Variants in FOXP2 observed in about 807,000 individuals in gnomAD.
FOXP2 encodes forkhead box P2, also known as forkhead box protein P2.
FOXP2 carries 12 observed loss-of-function variants against 115.8 expected under a neutral mutation model. The ratio of observed to expected loss-of-function variants is 0.10; its 90% CI spans 0.07 to 0.17. The LOEUF (loss-of-function observed/expected upper bound fraction) is 0.17. FOXP2 is among the 10% of genes least tolerant of loss of function. FOXP2 has a pLI of 1.00. For synonymous variants in FOXP2, 328 were observed against 297.7 expected, an observed-to-expected ratio of 1.10 and a Z score of -1.05; for missense variants, 629 against 843.5, an observed-to-expected ratio of 0.75 and a Z score of 3.15.
At chr7:114,254,862 A>G (rs534362448) in intron 1 of FOXP2, among the ~76,000 whole-genome samples, 1 of 152,048 alleles carries the variant, frequency 6.6e-6, no homozygotes, top group South Asian at 2.1e-4. Context: ...GGAGGGGGAG[A>G]CGCGCTCTCA....
At chr7:114,337,717 A>G (rs1291276443) in intron 2 of FOXP2, among the ~76,000 whole-genome samples, 3 of 151,198 alleles carry the variant, frequency 2.0e-5, no homozygotes, top group Non-Finnish European at 3.0e-5. Flanking sequence ...AAGCAAGCCG[A>G]TTTTGTATTA....
At chr7:114,172,169 AT>A (rs1793162263) in intron 1 of FOXP2, among the ~76,000 whole-genome samples, 1 of 152,226 alleles carries the variant, frequency 6.6e-6, no homozygotes, top group Non-Finnish European at 1.5e-5. Flanking sequence ...CTACTACAGT[AT>A]AATGTACCTA....
chr7:114,272,060 A>C (rs1284747272), intron 1 of FOXP2, among the ~76,000 whole-genome samples: 2 of 142,536 alleles, frequency 1.4e-5, no homozygotes, highest in African/African-American at 2.6e-5. Context: ...TAAATATATA[A>C]AATATATAAA....
At chr7:114,094,129 C>T (rs1290721425) in intron 1 of FOXP2, among the ~76,000 whole-genome samples, 2 of 152,118 alleles carry the variant, frequency 1.3e-5, no homozygotes, top group African/African-American at 2.4e-5. Context: ...CATTGGAAAA[C>T]ATACTGTAAG....
intron 16 of FOXP2, among the ~76,000 whole-genome samples, chr7:114,686,034 ATAAAC>A (rs1467032702): frequency 2.0e-5 from 3 of 151,988 alleles, no homozygotes; most frequent in Admixed American, 2.0e-4. Flanking sequence ...TAGTGACAAA[ATAAAC>A]TAATTAGAAT....
At chr7:114,390,522 G>GTATTTATTTATT (rs6150298) in intron 2 of FOXP2, among the ~76,000 whole-genome samples, 4,884 of 148,312 alleles carry the variant, frequency 0.033, 255 homozygotes, top group African/African-American at 0.11. Flanking sequence ...TTTTATTTAT[G>GTATTTATTTATT]TATTTATTTA....
chr7:114,297,043 C>T, intron 2 of FOXP2: 2 of 344,930 alleles, frequency 5.8e-6, no homozygotes, highest in Non-Finnish European at 1.1e-5. Flanking sequence ...TTAGTTATAT[C>T]CACTATATGC....
intron 1 of FOXP2, among the ~76,000 whole-genome samples, chr7:114,421,013 G>A (rs1316721882): frequency 6.6e-6 from 1 of 151,460 alleles, no homozygotes; most frequent in African/African-American, 2.4e-5. Context: ...TGAGTAATTA[G>A]TTAACCAGAA....
intron 1 of FOXP2, among the ~76,000 whole-genome samples, chr7:114,241,553 GGTAGTATTTTTACTA>G (rs1457538981): frequency 6.6e-6 from 1 of 151,870 alleles, no homozygotes; most frequent in African/African-American, 2.4e-5. Flanking sequence ...CCTTCATATG[GGTAGTATTTTTACTA>G]GTATAGATGG....
chr7:114,143,831 T>G (rs78238982), intron 1 of FOXP2, among the ~76,000 whole-genome samples: 1 of 152,052 alleles, frequency 6.6e-6, no homozygotes, highest in Non-Finnish European at 1.5e-5. Flanking sequence ...TTTTTTTTTT[T>G]GCTTTGAAAA....
intron 4 of FOXP2, 171 bp downstream of exon 4, chr7:114,628,848 G>C (rs1234917262): frequency 1.3e-6 from 1 of 769,616 alleles, no homozygotes; most frequent in African/African-American, 1.8e-5. Context: ...AGAAAATCTA[G>C]ATTGCTTATT....
chr7:114,481,173 T>C (rs1796519250), intron 2 of FOXP2, among the ~76,000 whole-genome samples: 2 of 151,306 alleles, frequency 1.3e-5, no homozygotes, highest in Non-Finnish European at 3.0e-5. Context: ...ATTATGTGTA[T>C]ATAAAATTGC....
chr7:114,286,986 A>G (rs1320349449), intron 1 of FOXP2, among the ~76,000 whole-genome samples: 1 of 152,086 alleles, frequency 6.6e-6, no homozygotes, highest in African/African-American at 2.4e-5. Flanking sequence ...AAAGATGGCA[A>G]GTGATGCCAG....
intron 1 of FOXP2, among the ~76,000 whole-genome samples, chr7:114,245,476 C>G (rs1254029728): frequency 6.6e-6 from 1 of 152,320 alleles, no homozygotes; most frequent in East Asian, 1.9e-4. Flanking sequence ...AACATACTCA[C>G]TTTTGAAGTT....
chr7:114,265,122 A>G (rs1194721758), intron 1 of FOXP2, among the ~76,000 whole-genome samples: 1 of 152,178 alleles, frequency 6.6e-6, no homozygotes, highest in Non-Finnish European at 1.5e-5. Flanking sequence ...ACAGTTCCCC[A>G]AAGTCTTAAC....
chr7:114,453,794 C>A (rs1795169379), intron 2 of FOXP2, among the ~76,000 whole-genome samples: 3 of 152,020 alleles, frequency 2.0e-5, no homozygotes, highest in African/African-American at 7.2e-5. Flanking sequence ...ATAAATGGTG[C>A]TGGGAAAACT....
chr7:114,235,479 G>A (rs2129166597), intron 1 of FOXP2, among the ~76,000 whole-genome samples: 1 of 152,152 alleles, frequency 6.6e-6, no homozygotes, highest in Admixed American at 6.5e-5. Flanking sequence ...TTTTAGAGTG[G>A]CTGTTAGAAT....
At chr7:114,670,593 G>A (rs1452871055) in intron 16 of FOXP2, among the ~76,000 whole-genome samples, 2 of 151,982 alleles carry the variant, frequency 1.3e-5, no homozygotes, top group African/African-American at 4.8e-5. Context: ...GGATTAAACA[G>A]TATTGAAAAT....
intron 2 of FOXP2, among the ~76,000 whole-genome samples, chr7:114,485,225 T>G (rs558553214): frequency 1.8e-4 from 27 of 151,988 alleles, no homozygotes; most frequent in African/African-American, 6.5e-4. Context: ...TTTTAGAAAA[T>G]TTTTTTATTA....
Sources: gnomAD v4.1 joint callset for allele counts (sites outside exome capture counted in the v4.1 genomes callset) on GRCh38, gnomAD v4.1.1 for gene constraint, MANE v1.5 for transcripts, NCBI Gene and HGNC (gene_info 2026-07-23, HGNC 2026-07-21) for gene names.